Variants in AGRN observed in about 807,000 individuals in gnomAD.
AGRN encodes the protein agrin, also known as agrin proteoglycan.
In AGRN, 106 loss-of-function variants were observed where a neutral mutation model predicts 211.0. The observed-to-expected ratio is 0.50, with a 90% CI of 0.43 to 0.59. AGRN has a LOEUF of 0.59. AGRN is among the 20% of genes least tolerant of loss of function. The probability of loss-of-function intolerance (pLI) is 0.00; values close to 1 mark genes in which losing one functional copy is unlikely to be tolerated. For synonymous variants in AGRN, 1,525 were observed against 1,332.5 expected (o/e 1.14, Z -3.15); for missense variants, 3,040 against 2,982.6 (o/e 1.02, Z -0.45).
At chr1:1,037,471 C>T (rs1225374548) in intron 3 of AGRN, among the ~76,000 whole-genome samples, 1 of 152,208 alleles carries the variant, frequency 6.6e-6, no homozygotes, top group Non-Finnish European at 1.5e-5. Context: ...TCCTCTCCAT[C>T]CCCCAGCCTA....
intron 3 of AGRN, among the ~76,000 whole-genome samples, chr1:1,036,749 A>G (rs1644813537): frequency 6.6e-6 from 1 of 151,740 alleles, no homozygotes; most frequent in Admixed American, 6.6e-5. Context: ...ATGAGATCCC[A>G]AAGGCTCCTC....
chr1:1,041,683 C>T lies in AGRN; in HGVS notation c.1158C>T (p.Ser386=), dbSNP rs753804544. Residue 386 remains serine, a synonymous_variant, in exon 6 of 36, where the codon TCC becomes TCT. Transcript: ENST00000379370. The part of the protein sequence containing the change: ...ARGLLLQKVR[S]GQCQGRDQCP... Reference sequence around the variant, plus strand: ...GTCTCCTCCTGCAGAAAGTGCGCTCCGGCCAGTGCCAGGGTCGAGGTGAGC... The same window carrying T: ...GTCTCCTCCTGCAGAAAGTGCGCTCTGGCCAGTGCCAGGGTCGAGGTGAGC... 4.4e-6 allele frequency: 7 copies of T among 1,607,746 alleles called. No homozygotes were observed. Among genetic ancestry groups the T allele is most frequent in the South Asian group, 1.1e-5 (1 of 90,832 alleles).
In AGRN at chr1:1,046,020, G is replaced by A. The variant is rs140120617; in HGVS notation, c.2737G>A (p.Val913Met). 2.4e-4 allele frequency: 388 copies of A among 1,613,916 alleles called. 1 individual carries two copies. Among genetic ancestry groups the A allele is most frequent in the South Asian group, 4.1e-4 (37 of 91,094 alleles). ...EMRCEFGARC[V>M]EESGSAHCVC... Reference sequence around the variant, plus strand: ...GCGCTGTGAGTTCGGTGCGCGGTGCGTGGAGGAGTCTGGCTCAGCCCACTG... The same window carrying A: ...GCGCTGTGAGTTCGGTGCGCGGTGCATGGAGGAGTCTGGCTCAGCCCACTG... Residue 913 changes from valine (V) to methionine (M), a missense_variant, in exon 16 of 36, where the codon GTG becomes ATG. Val to Met is a conservative substitution (Grantham distance 21, BLOSUM62 1). Around this residue, in one of 3 missense-constraint regions of AGRN, gnomAD observed 1,498 missense variants for 1,457.8 expected, o/e 1.03. Transcript: ENST00000379370.
chr1:1,021,130 C>T (rs1051915628), intron 1 of AGRN, among the ~76,000 whole-genome samples: 3 of 152,250 alleles, frequency 2.0e-5, no homozygotes, highest in African/African-American at 7.2e-5. Flanking sequence ...ACTCATTTCC[C>T]TCCACGGAGG....
In AGRN at chr1:1,041,183, C is replaced by A; in HGVS notation, c.738C>A (p.Asp246Glu). The A allele has an allele frequency of 7.0e-7, 1 of 1,438,038 alleles. No homozygotes were observed. The highest frequency in any genetic ancestry group is 9.1e-7 in the Non-Finnish European group (1 of 1,100,888). 89.1% of individuals were successfully genotyped at this position (1,438,038 alleles called of 1,614,324 possible). ...LLSRGPCGSR[D>E]PCSNVTCSFG... ...AAGCCCCGCCCGCAGGCTCGCGGGA[C>A]CCCTGCTCCAACGTGACCTGCAGCT... Residue 246 changes from aspartate (D) to glutamate (E), a missense_variant, in exon 5 of 36, where the codon GAC (aspartate) becomes GAA (glutamate). Asp to Glu is a conservative substitution (Grantham distance 45). Around this residue, in one of 3 missense-constraint regions of AGRN, gnomAD observed 1,498 missense variants for 1,457.8 expected, o/e 1.03. Transcript: ENST00000379370.
At chr1:1,044,064 T>C in intron 10 of AGRN, 41 bp downstream of exon 10, 2 of 1,612,748 alleles carry the variant, frequency 1.2e-6, no homozygotes, top group Non-Finnish European at 1.7e-6. Context: ...GGGCTCTGGC[T>C]TTGGACAAGA....
At position 1,046,097 on chromosome 1, in the gene AGRN, T is replaced by A; in HGVS notation, c.2805+9T>A. 1 of 1,613,794 alleles carries A rather than the reference T, an allele frequency of 6.2e-7. No homozygotes were observed. Among genetic ancestry groups the A allele is most frequent in the Non-Finnish European group, 8.5e-7 (1 of 1,179,952 alleles). On this transcript the variant is annotated intron_variant, in intron 16 of 35. Transcript: ENST00000379370. ...AGGCCAACGCTACCAAGGTGAGGGG[T>A]GTGGGATGTGAAGGGGAGTGGGGAG...
chr1:1,048,332 C>T lies in AGRN; in HGVS notation c.4072C>T (p.Pro1358Ser). ...GGGCGGGGGCTTCACCTGCAGCTGC[C>T]CGGCAGGCAGGGGAGGCGCCGTCTG... ...ALGGGFTCSC[P>S]AGRGGAVCEK... is the part of the protein sequence containing the mutation. Residue 1358 changes from proline to serine, a missense_variant, in exon 23 of 36, where the codon CCG (proline) becomes TCG (serine). By Grantham distance (74) the Pro-to-Ser change is moderately conservative. This residue lies in a region of AGRN where 1,537 missense variants were observed against 1,505.0 expected (regional missense o/e 1.02). Coordinates refer to ENST00000379370, the MANE Select transcript of AGRN (RefSeq NM_198576.4). This position sits in a 1 kb window ranked among gnomAD's most constrained non-coding sequence, Gnocchi z 5.9. The T allele has an allele frequency of 6.8e-7, 1 of 1,474,610 alleles. No homozygotes were observed. The highest frequency in any genetic ancestry group is 9.0e-7 in the Non-Finnish European group (1 of 1,109,626). 91.3% of individuals were successfully genotyped at this position (1,474,610 alleles called of 1,614,324 possible).
At chr1:1,021,412 C>G (rs1225577711) in intron 1 of AGRN, among the ~76,000 whole-genome samples, 2 of 152,202 alleles carry the variant, frequency 1.3e-5, no homozygotes, top group Non-Finnish European at 2.9e-5. Context: ...GGGGTCCCTG[C>G]GGATGCCGCA....
At chr1:1,027,634 C>G (rs1644548633) in intron 2 of AGRN, among the ~76,000 whole-genome samples, 1 of 152,214 alleles carries the variant, frequency 6.6e-6, no homozygotes, top group African/African-American at 2.4e-5. Context: ...TGCTGGGTCC[C>G]TTGGGGCGGC....
chr1:1,021,404 G>C (rs1644399426), intron 1 of AGRN, among the ~76,000 whole-genome samples: 1 of 152,216 alleles, frequency 6.6e-6, no homozygotes, highest in African/African-American at 2.4e-5. Flanking sequence ...AACTGGAGGG[G>C]GTCCCTGCGG....
intron 7 of AGRN, 67 bp downstream of exon 7, chr1:1,042,229 A>G: frequency 1.3e-6 from 2 of 1,503,600 alleles, no homozygotes; most frequent in East Asian, 2.3e-5. Context: ...CCTGGACATC[A>G]CATGCCATCT....
chr1:1,044,545 G>A, intron 12 of AGRN, 106 bp downstream of exon 12: 1 of 1,192,738 alleles, frequency 8.4e-7, no homozygotes. Flanking sequence ...CTGTGGACGT[G>A]TGTATTGTGT....
chr1:1,037,637 C>A (rs940557554), intron 3 of AGRN, among the ~76,000 whole-genome samples: 3 of 152,218 alleles, frequency 2.0e-5, no homozygotes, highest in African/African-American at 4.8e-5. Context: ...GGAGCTAAGA[C>A]AGGCGTGGCA....
At position 1,041,458 on chromosome 1, in the gene AGRN, C is replaced by T. The variant is rs768064103; in HGVS notation, c.953-20C>T. On this transcript the variant is annotated intron_variant, in intron 5 of 35. Coordinates refer to ENST00000379370, the MANE Select transcript of AGRN (RefSeq NM_198576.4). ...TGGGCGCGCGGCGACAGCGTCCTGA[C>T]TCCTGCCCTCGACCCCCAGACCCCT... is the stretch of plus-strand genomic sequence containing the variant. 1.4e-5 allele frequency: 22 copies of T among 1,577,352 alleles called. No individual in the cohort carries two copies. Among genetic ancestry groups the T allele is most frequent in the Middle Eastern group, 1.7e-4 (1 of 6,030 alleles).
intron 3 of AGRN, among the ~76,000 whole-genome samples, chr1:1,036,069 G>A (rs1329560159): frequency 6.6e-6 from 1 of 152,130 alleles, no homozygotes; most frequent in East Asian, 1.9e-4. Context: ...AGGAGCACCT[G>A]CCCCATCACT....
chr1:1,034,493 A>G, intron 2 of AGRN: 3 of 985,788 alleles, frequency 3.0e-6, no homozygotes, highest in Non-Finnish European at 3.6e-6. Context: ...GAAGAGGCCC[A>G]AGGGCACCCC....
chr1:1,047,260 C>T (rs893297785), intron 19 of AGRN, 67 bp from the exon 20 acceptor site: 4 of 1,539,200 alleles, frequency 2.6e-6, no homozygotes, highest in Non-Finnish European at 3.5e-6. Context: ...GCTGCTGGGG[C>T]CTGTGCCTGG....
chr1:1,042,215 C>T (rs1644964528), intron 7 of AGRN, 53 bp downstream of exon 7: 2 of 1,535,736 alleles, frequency 1.3e-6, no homozygotes, highest in Non-Finnish European at 1.8e-6. Context: ...TGCGTCAGTC[C>T]CTGCCTGGAC....
Sources: allele counts gnomAD v4.1 joint callset (sites outside exome capture counted in the v4.1 genomes callset), GRCh38; gene constraint gnomAD v4.1.1; regional missense constraint gnomAD v4.1.1; non-coding constraint Gnocchi (gnomAD v3.1); transcripts MANE v1.5; gene names NCBI Gene and HGNC (gene_info 2026-07-23, HGNC 2026-07-21).